The following STK32C variants were observed in gnomAD, a reference collection of about 807,000 sequenced individuals.
STK32C encodes the protein serine/threonine-protein kinase 32C.
STK32C carries 31 observed loss-of-function variants against 56.5 expected under a neutral mutation model. The ratio of observed to expected loss-of-function variants is 0.55; its 90% CI spans 0.41 to 0.74. STK32C has a LOEUF of 0.74. Among genes scored for constraint, STK32C ranks in the 30% least tolerant of loss-of-function variants. The pLI is 0.00. For synonymous variants in STK32C, 309 were observed against 289.4 expected (o/e 1.07, Z -0.69); for missense variants, 544 against 676.9 (o/e 0.80, Z 2.18).
At chr10:132,264,974 C>T (rs1339151596) in intron 1 of STK32C, among the ~76,000 whole-genome samples, 1 of 152,220 alleles carries the variant, frequency 6.6e-6, no homozygotes, top group Non-Finnish European at 1.5e-5. Flanking sequence ...TTATACTCCG[C>T]CTGATGTCAG....
At chr10:132,213,393 G>A (rs1221351106) in intron 10 of STK32C, among the ~76,000 whole-genome samples, 4 of 152,224 alleles carry the variant, frequency 2.6e-5, no homozygotes, top group Non-Finnish European at 4.4e-5. Context: ...CCAGCAGAGA[G>A]GGCCACAAGA....
intron 9 of STK32C, 29 bp downstream of exon 9, chr10:132,222,832 C>A (rs766882774): frequency 2.2e-5 from 35 of 1,590,230 alleles, no homozygotes; most frequent in Non-Finnish European, 2.9e-5. Context: ...ATCCCCAGGG[C>A]CCCCCACCTG....
intron 10 of STK32C, 154 bp from the exon 11 acceptor site, chr10:132,209,255 C>A: frequency 2.7e-6 from 2 of 734,442 alleles, no homozygotes; most frequent in Non-Finnish European, 4.8e-6. Context: ...CCTCCAGCAG[C>A]CAGACTGCCC....
At chr10:132,320,484 C>A (rs1455889752), downstream of STK32C, among the ~76,000 whole-genome samples, 2 of 151,950 alleles carry the variant, frequency 1.3e-5, no homozygotes, top group Non-Finnish European at 2.9e-5. Context: ...GGAGACCCGT[C>A]TATAATAGGT....
intron 4 of STK32C, 107 bp downstream of exon 4, chr10:132,226,688 C>T: frequency 7.3e-7 from 1 of 1,371,196 alleles, no homozygotes; most frequent in South Asian, 1.3e-5. Flanking sequence ...GGCAGAGGAG[C>T]TAGACCCGCT....
At chr10:132,227,086 G>GCATT in intron 3 of STK32C, 118 bp from the exon 4 acceptor site, 1 of 1,206,828 alleles carries the variant, frequency 8.3e-7, no homozygotes, top group South Asian at 1.4e-5. Flanking sequence ...CAGCCACCAG[G>GCATT]CATTCCCAGG....
chr10:132,237,275 G>A (rs2063328153), intron 2 of STK32C, among the ~76,000 whole-genome samples: 1 of 152,204 alleles, frequency 6.6e-6, no homozygotes, highest in Admixed American at 6.5e-5. Context: ...CAAGCCAGGT[G>A]ACCTGACCAG....
At position 132,307,648 on chromosome 10, in the gene STK32C, G is replaced by A. The variant is rs747456370; in HGVS notation, c.186C>T (p.Ser62=). ...ACGAGCCCATCCTCTTCTTCCACTT[G>A]CTCCACTGAAACAGGGGGCGCGGCT... ...RSQPRPLFQW[S]KWKKRMGSSM... is the part of the protein sequence containing the mutation. The change falls in exon 1 of 12, where the codon AGC becomes AGT. Residue 62 remains serine (S), a synonymous_variant. Transcript: ENST00000298630. The surrounding 1 kb of genome is among the most constrained non-coding windows in gnomAD (Gnocchi z 4.4). 8 of 1,549,920 alleles carry A rather than the reference G, an allele frequency of 5.2e-6. No individual in the cohort carries two copies. The highest frequency in any genetic ancestry group is 6.9e-6 in the Non-Finnish European group (8 of 1,151,552).
intron 1 of STK32C, chr10:132,249,062 G>A (rs1163388348): frequency 4.2e-6 from 2 of 478,594 alleles, no homozygotes; most frequent in Non-Finnish European, 8.4e-6. Context: ...GACGGAGGCG[G>A]CGGCTCCGGC....
chr10:132,283,123 G>A (rs569846161), intron 1 of STK32C, among the ~76,000 whole-genome samples: 1 of 152,354 alleles, frequency 6.6e-6, no homozygotes, highest in African/African-American at 2.4e-5. Flanking sequence ...TGCACCTCAG[G>A]GCCACGATGG....
At chr10:132,216,822 T>C (rs1590144802) in intron 10 of STK32C, among the ~76,000 whole-genome samples, 1 of 152,162 alleles carries the variant, frequency 6.6e-6, no homozygotes, top group Non-Finnish European at 1.5e-5. Flanking sequence ...AGCCCGCAGG[T>C]GCACAGAAGT....
chr10:132,298,609 G>T (rs2065824634), intron 1 of STK32C, among the ~76,000 whole-genome samples: 1 of 152,056 alleles, frequency 6.6e-6, no homozygotes, highest in Non-Finnish European at 1.5e-5. Flanking sequence ...AGGGAGGGAG[G>T]GGAGCGCCCT....
chr10:132,331,200 CAAAA>C (rs35734065), intron 1 of STK32C, among the ~76,000 whole-genome samples: 2 of 56,330 alleles, frequency 3.6e-5, no homozygotes, highest in Admixed American at 2.4e-4. Context: ...GACTCCACCT[CAAAA>C]AAAAAAAAAA....
intron 10 of STK32C, among the ~76,000 whole-genome samples, chr10:132,212,587 C>G (rs1417406474): frequency 1.3e-5 from 2 of 152,176 alleles, no homozygotes; most frequent in Admixed American, 1.3e-4. Flanking sequence ...CCAAGACTTC[C>G]CTGCTGCAAA....
intron 1 of STK32C, among the ~76,000 whole-genome samples, chr10:132,268,743 C>T (rs989624111): frequency 7.9e-5 from 8 of 100,982 alleles, no homozygotes; most frequent in East Asian, 6.5e-4. Flanking sequence ...GTGTGCATGC[C>T]TGTGTATGCA....
intron 1 of STK32C, among the ~76,000 whole-genome samples, chr10:132,272,659 C>G (rs7074745): frequency 0.43 from 66,051 of 152,054 alleles, 15,506 homozygotes; most frequent in African/African-American, 0.6. Flanking sequence ...CCGTCCACTC[C>G]CGCCTGGATT....
intron 1 of STK32C, chr10:132,330,189 C>G (rs1442771860): frequency 2.1e-6 from 1 of 483,858 alleles, no homozygotes; most frequent in Non-Finnish European, 3.8e-6. Context: ...AAAACATGCT[C>G]GTACATACAA....
intron 1 of STK32C, chr10:132,248,918 T>C (rs1280614221): frequency 2.4e-5 from 11 of 455,792 alleles, no homozygotes; most frequent in Admixed American, 4.7e-5. Flanking sequence ...AAGCACAAGT[T>C]CCCAAGGTTA....
chr10:132,300,408 G>A (rs866422884), intron 1 of STK32C, among the ~76,000 whole-genome samples: 5 of 152,198 alleles, frequency 3.3e-5, no homozygotes, highest in Non-Finnish European at 7.3e-5. Context: ...GAAGTGGGGT[G>A]AGAGGAGGCT....
Sources: allele counts gnomAD v4.1 joint callset (sites outside exome capture counted in the v4.1 genomes callset), GRCh38; gene constraint gnomAD v4.1.1; non-coding constraint Gnocchi (gnomAD v3.1); transcripts MANE v1.5; gene names NCBI Gene and HGNC (gene_info 2026-07-23, HGNC 2026-07-21).